The following ARFGEF2 variants were observed in gnomAD, a reference collection of about 807,000 sequenced individuals.
The protein encoded by ARFGEF2 is ARF guanine nucleotide exchange factor 2.
Under a neutral mutation model 219.9 loss-of-function variants are expected in ARFGEF2, and 74 were observed. That is an observed-to-expected ratio of 0.34 (90% CI 0.28 to 0.41). ARFGEF2 has a LOEUF of 0.41. Ranked by LOEUF, ARFGEF2 falls within the 10% of genes least tolerant of loss-of-function variation. The pLI is 1.00. For synonymous variants in ARFGEF2, 733 were observed against 799.2 expected (o/e 0.92, Z 1.40); for missense variants, 1,743 against 2,218.3 (o/e 0.79, Z 4.30).
intron 3 of ARFGEF2, among the ~76,000 whole-genome samples, chr20:48,945,192 C>G (rs1328426002): frequency 6.6e-6 from 1 of 152,146 alleles, no homozygotes; most frequent in Non-Finnish European, 1.5e-5. Flanking sequence ...CATCACATTG[C>G]AGGCTTAAGG....
At chr20:48,962,635 G>A (rs968440843) in intron 6 of ARFGEF2, among the ~76,000 whole-genome samples, 4 of 152,180 alleles carry the variant, frequency 2.6e-5, no homozygotes, top group African/African-American at 9.6e-5. Context: ...ACTGTTTCTG[G>A]GGTTTTCTAA....
chr20:49,007,576 G>T (rs999896916), intron 26 of ARFGEF2, among the ~76,000 whole-genome samples: 12 of 143,060 alleles, frequency 8.4e-5, no homozygotes, highest in Non-Finnish European at 1.5e-5. Flanking sequence ...GGCGTGAGCC[G>T]CCACACCTGG....
At position 48,935,320 on chromosome 20, in the gene ARFGEF2, A is replaced by G. The variant is rs1195275598; in HGVS notation, c.122-5879A>G. 5.3e-5 allele frequency among the ~76,000 whole-genome samples: 8 copies of G among 152,286 alleles called. No homozygotes were observed. The East Asian group carries it at 1.4e-3, about 26-fold the overall frequency. On this transcript the variant is annotated intron_variant, in intron 1 of 38. Transcript: ENST00000371917. ...CTTAAGGAGCTTGCTGCCTTCAAGC[A>G]TCTGTTTAACAAAGCACATCTTGCA...
Position 49,013,652 on chromosome 20 carries a change from T to A in ARFGEF2, c.4007T>A (p.Leu1336His). The A allele has an allele frequency of 6.2e-7, 1 of 1,614,080 alleles. No individual in the cohort carries two copies. Among genetic ancestry groups the A allele is most frequent in the South Asian group, 1.1e-5 (1 of 91,084 alleles). ...VRGWFPILFE[L>H]SCIINRCKLD... ...GGCTGGTTCCCCATCTTATTCGAAC[T>A]CTCCTGCATCATTAATAGATGCAAG... is the stretch of plus-strand genomic sequence containing the variant. The change falls in exon 29 of 39, where the codon CTC becomes CAC. Residue 1336 changes from leucine (L) to histidine (H), a missense_variant. Around this residue, in one of 5 missense-constraint regions of ARFGEF2, gnomAD observed 578 missense variants for 664.0 expected, o/e 0.87. Coordinates refer to ENST00000371917, the MANE Select transcript of ARFGEF2 (RefSeq NM_006420.3).
chr20:48,999,345 T>G, intron 25 of ARFGEF2: 1 of 377,794 alleles, frequency 2.6e-6, no homozygotes, highest in South Asian at 2.0e-5. Flanking sequence ...TTCTTCCTCG[T>G]TACCAGAAGT....
At chr20:48,967,024 T>C (rs2091192372) in intron 8 of ARFGEF2, among the ~76,000 whole-genome samples, 2 of 152,294 alleles carry the variant, frequency 1.3e-5, no homozygotes, top group South Asian at 2.1e-4. Flanking sequence ...TTTTTTATTA[T>C]TATTTGTAGA....
At chr20:49,023,370 A>G (rs1340118487) in intron 35 of ARFGEF2, among the ~76,000 whole-genome samples, 189 bp downstream of exon 35, 1 of 152,178 alleles carries the variant, frequency 6.6e-6, no homozygotes, top group East Asian at 1.9e-4. Context: ...ACATCAGAGA[A>G]AAACAGCAAA....
At chr20:49,019,235 A>G (rs541953986) in intron 34 of ARFGEF2, among the ~76,000 whole-genome samples, 3 of 152,078 alleles carry the variant, frequency 2.0e-5, no homozygotes, top group Admixed American at 6.6e-5. Flanking sequence ...GTACATACGA[A>G]TTTTCTCCTT....
In ARFGEF2 at chr20:49,036,352, C is replaced by T. The variant is rs2091665955; in HGVS notation, c.*3153C>T. The T allele has an allele frequency of 2.5e-6, 1 of 397,580 alleles. No homozygotes were observed. The highest frequency in any genetic ancestry group is 4.4e-6 in the Non-Finnish European group (1 of 225,764). 24.6% of individuals were successfully genotyped at this position (397,580 alleles called of 1,614,324 possible). On this transcript the variant is annotated 3_prime_UTR_variant, in exon 39 of 39. Coordinates refer to ENST00000371917, the MANE Select transcript of ARFGEF2 (RefSeq NM_006420.3). ...CTCAAAACAAAACAATATAATCTAT[C>T]AAAGGTGTTTTACTCAGTGTTCTAA...
chr20:48,984,527 A>C (rs1487577974), intron 14 of ARFGEF2, among the ~76,000 whole-genome samples: 2 of 152,210 alleles, frequency 1.3e-5, no homozygotes, highest in Admixed American at 6.5e-5. Context: ...ATGAGGTGAC[A>C]ATCAGCAGAC....
At chr20:48,922,109 C>A (rs965488311) in intron 1 of ARFGEF2, 99 bp downstream of exon 1, 3 of 1,475,946 alleles carry the variant, frequency 2.0e-6, no homozygotes, top group Non-Finnish European at 2.7e-6. Context: ...CCTCCGCTTC[C>A]CCCCGATCCC....
chr20:48,974,707 G>A, intron 12 of ARFGEF2, 59 bp from the exon 13 acceptor site: 2 of 1,394,684 alleles, frequency 1.4e-6, no homozygotes, highest in Non-Finnish European at 2.0e-6. Context: ...AAGCCTCGTA[G>A]ATGTCTGTTC....
intron 37 of ARFGEF2, among the ~76,000 whole-genome samples, chr20:49,029,136 A>T (rs1361590664): frequency 1.3e-5 from 2 of 152,196 alleles, no homozygotes; most frequent in African/African-American, 4.8e-5. Flanking sequence ...CTAGAAATCC[A>T]CCAATGGGGA....
At chr20:48,941,806 TA>T in intron 2 of ARFGEF2, 57 bp from the exon 3 acceptor site, 1 of 1,613,188 alleles carries the variant, frequency 6.2e-7, no homozygotes, top group Admixed American at 1.7e-5. Flanking sequence ...AATGGGAAGT[TA>T]GAGTAAGGTG....
rs185542899 is a variant in ARFGEF2 at position 48,941,849 on chromosome 20, T to C, written c.153-15T>C. On this transcript the variant is annotated splice_polypyrimidine_tract_variant and intron_variant, in intron 2 of 38. Transcript: ENST00000371917. ...ATTCATTTCTTCTCCCGACCCTCTC[T>C]TGCTTTTCTCCTAGGCTTGGCACTG... 272 of 1,614,226 alleles carry C rather than the reference T, an allele frequency of 1.7e-4. 1 individual carries two copies. The highest frequency in any genetic ancestry group is 1.2e-5 in the Non-Finnish European group (14 of 1,180,026).
In ARFGEF2 at chr20:48,976,080, T is replaced by C. The variant is rs150676241; in HGVS notation, c.1839T>C (p.Cys613=). The C allele has an allele frequency of 6.6e-5, 106 of 1,613,128 alleles. No individual in the cohort carries two copies. Among genetic ancestry groups the C allele is most frequent in the Non-Finnish European group, 8.8e-5 (104 of 1,180,022 alleles). ...AAGGCCTTGACATGGCAAGACGGTG[T>C]AGTGTGACGTCCATGGAGTCCACAG... ...DGKGLDMARR[C]SVTSMESTVS... is the part of the protein sequence containing the mutation. Residue 613 remains cysteine (C), a synonymous_variant, in exon 14 of 39, where the codon TGT becomes TGC. Coordinates refer to ENST00000371917, the MANE Select transcript of ARFGEF2 (RefSeq NM_006420.3).
At chr20:48,987,493 G>T (rs373484866) in intron 16 of ARFGEF2, among the ~76,000 whole-genome samples, 9 of 152,238 alleles carry the variant, frequency 5.9e-5, no homozygotes, top group African/African-American at 2.2e-4. Flanking sequence ...GTTATAATGG[G>T]TAATATAGAC....
At chr20:48,937,619 T>A (rs2090967003) in intron 1 of ARFGEF2, among the ~76,000 whole-genome samples, 1 of 152,198 alleles carries the variant, frequency 6.6e-6, no homozygotes, top group South Asian at 2.1e-4. Context: ...GTGGGAATAC[T>A]TAAGGGTAAA....
Position 48,976,011 on chromosome 20 carries a change from C to T in ARFGEF2, c.1775-5C>T, listed in dbSNP as rs927387285. 46 of 1,611,898 alleles carry T rather than the reference C, an allele frequency of 2.9e-5. No individual in the cohort carries two copies. Among genetic ancestry groups the T allele is most frequent in the African/African-American group, 4.0e-5 (3 of 74,790 alleles). ...TTGGCTTCCTTTACTTTTGTTTCTC[C>T]GCAGGTCAGGAGAGGCTCACGGATC... is the stretch of plus-strand genomic sequence containing the variant. On this transcript the variant is annotated splice_polypyrimidine_tract_variant and splice_region_variant and intron_variant, in intron 13 of 38. Transcript: ENST00000371917.
Sources: allele counts gnomAD v4.1 joint callset (sites outside exome capture counted in the v4.1 genomes callset), GRCh38; gene constraint gnomAD v4.1.1; regional missense constraint gnomAD v4.1.1; transcripts MANE v1.5; gene names NCBI Gene and HGNC (gene_info 2026-07-23, HGNC 2026-07-21).